The following AFF4 variants were observed in gnomAD, a reference collection of about 807,000 sequenced individuals.
AFF4 encodes the protein AF4/FMR2 family member 4.
Under a neutral mutation model 124.8 loss-of-function variants are expected in AFF4, and 13 were observed. The ratio of observed to expected loss-of-function variants is 0.10; its 90% CI spans 0.07 to 0.17. The LOEUF (loss-of-function observed/expected upper bound fraction) is 0.17, where lower values mean the gene tolerates loss of function less well. Among genes scored for constraint, AFF4 ranks in the 10% least tolerant of loss-of-function variants. AFF4 has a pLI of 1.00. For synonymous variants in AFF4, 477 were observed against 496.1 expected (o/e 0.96, Z 0.51); for missense variants, 1,092 against 1,403.8 (o/e 0.78, Z 3.55).
intron 20 of AFF4, among the ~76,000 whole-genome samples, chr5:132,881,960 C>A (rs1581265512): frequency 6.6e-6 from 1 of 151,828 alleles, no homozygotes; most frequent in Non-Finnish European, 1.5e-5. Context: ...AGCCACCACA[C>A]CCGGCCACAA....
chr5:132,963,570 TCCCCG>T lies in AFF4; in HGVS notation c.-321_-317del. The T allele has an allele frequency of 2.5e-6, 1 of 397,822 alleles. No homozygotes were observed. The highest frequency in any genetic ancestry group is 3.6e-5 in the East Asian group (1 of 28,012). 24.6% of individuals were successfully genotyped at this position (397,822 alleles called of 1,614,324 possible). A position where few individuals can be genotyped will look rare whatever the true frequency, so the allele number is the denominator to read the frequency against. On this transcript the variant is annotated 5_prime_UTR_variant, in exon 1 of 21. Transcript: ENST00000265343. ...GGTTAACGAAGACCTGGCACCAGGA[TCCCCG>T]CCCCGTCCGCTGGCGGCGGCGACGG...
Position 132,943,890 on chromosome 5 carries a change from T to C in AFF4, c.-4-6697A>G, listed in dbSNP as rs576011791. The C allele has an allele frequency of 1.5e-5, 3 of 197,988 alleles. No homozygotes were observed. The South Asian group carries it at 3.5e-4, about 23-fold the overall frequency. The allele number at this position is 197,988 out of a possible 1,614,324, so 12.3% of individuals were successfully genotyped here. A position where few individuals can be genotyped will look rare whatever the true frequency, so the allele number is the denominator to read the frequency against. On this transcript the variant is annotated intron_variant, in intron 1 of 20. Transcript: ENST00000265343. Reference sequence around the variant, plus strand: ...TTCCTGAGCTGAAGGGAAAGACGGATTGCCATTCTGGTAAGGTGAAAGATG... The same window carrying C: ...TTCCTGAGCTGAAGGGAAAGACGGACTGCCATTCTGGTAAGGTGAAAGATG...
chr5:132,958,833 C>G (rs1048689673), intron 1 of AFF4, among the ~76,000 whole-genome samples: 1 of 152,136 alleles, frequency 6.6e-6, no homozygotes, highest in Non-Finnish European at 1.5e-5. Flanking sequence ...CCCAAAGCAA[C>G]TCCAGGCAGC....
At chr5:132,959,551 T>C (rs1348839885) in intron 1 of AFF4, among the ~76,000 whole-genome samples, 1 of 152,160 alleles carries the variant, frequency 6.6e-6, no homozygotes, top group East Asian at 1.9e-4. Context: ...TTGGAGGTTC[T>C]AATATTTTCT....
chr5:132,893,238 A>G, intron 11 of AFF4, 120 bp from the exon 12 acceptor site: 1 of 802,584 alleles, frequency 1.2e-6, no homozygotes, highest in East Asian at 2.5e-5. Context: ...AAAGAGAAGT[A>G]CTATAATTCA....
intron 4 of AFF4, among the ~76,000 whole-genome samples, chr5:132,928,887 T>C (rs1175227030): frequency 6.6e-6 from 1 of 152,138 alleles, no homozygotes; most frequent in Non-Finnish European, 1.5e-5. Flanking sequence ...TCCCTTAAAA[T>C]GCTTTGATTT....
At chr5:132,922,693 T>C (rs962638240) in intron 5 of AFF4, among the ~76,000 whole-genome samples, 5 of 149,322 alleles carry the variant, frequency 3.3e-5, no homozygotes, top group African/African-American at 7.4e-5. Context: ...AGCAGGAGAA[T>C]TGCTTGAAAC....
intron 18 of AFF4, among the ~76,000 whole-genome samples, chr5:132,885,465 A>AGGGG (rs1287371429): frequency 1.7e-3 from 5 of 2,896 alleles, no homozygotes; most frequent in Non-Finnish European, 2.8e-3. Flanking sequence ...CTCTTAAAAA[A>AGGGG]GGGGTGGGTG....
intron 5 of AFF4, among the ~76,000 whole-genome samples, chr5:132,924,388 T>C (rs1459421451): frequency 6.6e-6 from 1 of 152,104 alleles, no homozygotes; most frequent in Non-Finnish European, 1.5e-5. Context: ...TACATGAAAT[T>C]CTAGAAAAAG....
chr5:132,944,991 A>G (rs929924372), intron 1 of AFF4: 2 of 167,446 alleles, frequency 1.2e-5, no homozygotes, highest in African/African-American at 4.8e-5. Flanking sequence ...AGTGGACAAG[A>G]AGGCTCCTGG....
chr5:132,937,920 A>G (rs1319882743), intron 1 of AFF4, among the ~76,000 whole-genome samples: 1 of 152,206 alleles, frequency 6.6e-6, no homozygotes, highest in Non-Finnish European at 1.5e-5. Context: ...CCATCTCTAT[A>G]ATCAGGACAG....
chr5:132,896,315 T>C lies in AFF4; in HGVS notation c.2307+8A>G. 1 of 1,571,974 alleles carries C rather than the reference T, an allele frequency of 6.4e-7. No individual in the cohort carries two copies. Among genetic ancestry groups the C allele is most frequent in the Non-Finnish European group, 8.6e-7 (1 of 1,166,492 alleles). ...TTTCAAAACAAACAACAAAAACCCT[T>C]CACAAACCTTATGCTTCCTCTTGCC... On this transcript the variant is annotated splice_region_variant and intron_variant, in intron 11 of 20. Transcript: ENST00000265343.
chr5:132,903,584 A>G (rs1329889897), intron 6 of AFF4, among the ~76,000 whole-genome samples: 2 of 152,178 alleles, frequency 1.3e-5, no homozygotes, highest in African/African-American at 4.8e-5. Flanking sequence ...CTTCCCTAGA[A>G]TTCTTCTGAC....
In AFF4 at chr5:132,908,775, TA is replaced by T. The variant is rs59383773; in HGVS notation, c.1051-4372del. On this transcript the variant is annotated intron_variant, in intron 5 of 20. Transcript: ENST00000265343. ...ATATATACATATATATATATATATA[TA>T]TTTTTTTTTTTTGAGACGGAATCTA... Among the ~76,000 whole-genome samples the T allele has an allele frequency of 5.2e-3, 315 of 60,730 alleles. 3 individuals are homozygous for T. The highest frequency in any genetic ancestry group is 0.013 in the Admixed American group (77 of 5,970). The allele number at this position is 60,730 out of a possible 152,430, so 39.8% of individuals were successfully genotyped here.
intron 1 of AFF4, among the ~76,000 whole-genome samples, chr5:132,961,405 C>T (rs552693832): frequency 7.2e-5 from 11 of 152,024 alleles, no homozygotes; most frequent in South Asian, 2.1e-4. Context: ...TTAGTAGAGA[C>T]GGGGTTTCAT....
rs1186085959 is a variant in AFF4, at chr5:132,927,072, G to T, written c.1050+49C>A. On this transcript the variant is annotated intron_variant, in intron 5 of 20. Transcript: ENST00000265343. ...TTTTAATCCATATGATTTTAGTCAA[G>T]CCATTTAGAGTTTTCTTACATTATG... 7.9e-6 allele frequency: 12 copies of T among 1,511,282 alleles called. No individual in the cohort carries two copies. In the Admixed American group the frequency reaches 1.5e-4, roughly 18 times the overall value. 93.6% of individuals were successfully genotyped at this position (1,511,282 alleles called of 1,614,324 possible).
chr5:132,901,837 A>C (rs1760559851), intron 7 of AFF4, among the ~76,000 whole-genome samples: 1 of 152,188 alleles, frequency 6.6e-6, no homozygotes, highest in Non-Finnish European at 1.5e-5. Flanking sequence ...AAGGTGGGCA[A>C]ACTGTGGCCC....
chr5:132,913,827 A>AATGT (rs1360308906), intron 5 of AFF4, among the ~76,000 whole-genome samples: 2 of 152,202 alleles, frequency 1.3e-5, no homozygotes, highest in Non-Finnish European at 2.9e-5. Context: ...AATCTCATAC[A>AATGT]ATGTATGCTT....
intron 5 of AFF4, among the ~76,000 whole-genome samples, chr5:132,908,853 C>G (rs1266246392): frequency 6.7e-6 from 1 of 150,132 alleles, no homozygotes; most frequent in Non-Finnish European, 1.5e-5. Flanking sequence ...TCTCTGCCAC[C>G]TCCAGCTCCC....
Sources: gnomAD v4.1 joint callset for allele counts (sites outside exome capture counted in the v4.1 genomes callset) on GRCh38, gnomAD v4.1.1 for gene constraint, MANE v1.5 for transcripts, NCBI Gene and HGNC (gene_info 2026-07-23, HGNC 2026-07-21) for gene names.